The following HOXA5 variants were observed in gnomAD, a reference collection of about 807,000 sequenced individuals.
The protein encoded by HOXA5 is homeobox protein Hox-A5.
HOXA5 carries 12 observed loss-of-function variants against 20.0 expected under a neutral mutation model. The ratio of observed to expected loss-of-function variants is 0.60; its 90% CI spans 0.38 to 0.97. HOXA5 has a LOEUF of 0.97. Ranked by LOEUF, HOXA5 falls within the 50% of genes least tolerant of loss-of-function variation. HOXA5 has a pLI of 0.00. For synonymous variants in HOXA5, 159 were observed against 157.7 expected (o/e 1.01, Z -0.06); for missense variants, 352 against 380.3 (o/e 0.93, Z 0.62).
intron 1 of HOXA5, among the ~76,000 whole-genome samples, chr7:27,142,389 C>G (rs539286296): frequency 8.4e-4 from 128 of 152,306 alleles, no homozygotes; most frequent in Middle Eastern, 3.4e-3. Context: ...GAGGCACAGC[C>G]CTCCCAGGCT....
chr7:27,143,308 C>A lies in HOXA5; in HGVS notation c.300G>T (p.Pro100=), dbSNP rs1428198835. Residue 100 remains proline (P), a synonymous_variant, in exon 1 of 2, where the codon CCG becomes CCT. Transcript: ENST00000222726. Reference sequence around the variant, plus strand: ...AGGGGGCCACGGCGGAGCAGGGCAGCGGATCGGGCTGAGGAGAGTGCGTGG... The same window carrying A: ...AGGGGGCCACGGCGGAGCAGGGCAGAGGATCGGGCTGAGGAGAGTGCGTGG... The part of the protein sequence containing the change: ...ATSTHSPQPD[P]LPCSAVAPSP... The A allele has an allele frequency of 7.5e-6, 12 of 1,599,966 alleles. No homozygotes were observed. Among genetic ancestry groups the A allele is most frequent in the South Asian group, 1.1e-5 (1 of 90,352 alleles).
chr7:27,142,817 G>A, intron 1 of HOXA5: 1 of 490,014 alleles, frequency 2.0e-6, no homozygotes, highest in Non-Finnish European at 3.5e-6. Context: ...CCCTTCCAAC[G>A]TCTAAACTGT....
chr7:27,143,131 C>T lies in HOXA5; in HGVS notation c.477G>A (p.Gln159=), dbSNP rs773252225. Residue 159 remains glutamine, a synonymous_variant, in exon 1 of 2, where the codon CAG becomes CAA. Transcript: ENST00000222726. ...AEEDAPASSE[Q]ASAQSEPSPA... ...GGCTCGGCTCGCTCTGCGCACTCGC[C>T]TGCTCGCTGCTGGCAGGGGCGTCCT... 29 of 1,607,548 alleles carry T rather than the reference C, an allele frequency of 1.8e-5. No homozygotes were observed. The highest frequency in any genetic ancestry group is 2.5e-5 in the Non-Finnish European group (29 of 1,178,016).
In HOXA5 at chr7:27,143,648, GTTTGTGCGT is replaced by G; in HGVS notation, c.-50_-42del. The G allele has an allele frequency of 6.4e-7, 1 of 1,553,936 alleles. No homozygotes were observed. Among genetic ancestry groups the G allele is most frequent in the Non-Finnish European group, 8.7e-7 (1 of 1,148,568 alleles). On this transcript the variant is annotated 5_prime_UTR_variant, in exon 1 of 2. Transcript: ENST00000222726. ...TGTGCTTGATTTGTGGCTCGCGGTC[GTTTGTGCGT>G]CTATAGCACCCTTGCACAATTTATG...
chr7:27,141,606 A>ATT lies in HOXA5; in HGVS notation c.*227_*228dup, dbSNP rs139068122. 14 of 420,178 alleles carry ATT rather than the reference A, an allele frequency of 3.3e-5. No homozygotes were observed. The highest frequency in any genetic ancestry group is 5.0e-5 in the Non-Finnish European group (12 of 240,032). The allele number at this position is 420,178 out of a possible 1,614,324, so 26.0% of individuals were successfully genotyped here. A position where few individuals can be genotyped will look rare whatever the true frequency, so the allele number is the denominator to read the frequency against. On this transcript the variant is annotated 3_prime_UTR_variant, in exon 2 of 2. Coordinates refer to ENST00000222726, the MANE Select transcript of HOXA5 (RefSeq NM_019102.4). ...TTCATATAAATAAGTTAAAACATCT[A>ATT]TTTTTTTTCAAGACAAAGCCATTCA...
chr7:27,141,535 TC>T lies in HOXA5; in HGVS notation c.*299del, dbSNP rs1782568650. ...GGGGGACTTTTTGTGTGTTTTTTTT[TC>T]TCTTTTCTTTTTTTGTTATAGTTAC... On this transcript the variant is annotated 3_prime_UTR_variant, in exon 2 of 2. Coordinates refer to ENST00000222726, the MANE Select transcript of HOXA5 (RefSeq NM_019102.4). 5.0e-5 allele frequency: 13 copies of T among 259,822 alleles called. No homozygotes were observed. Among genetic ancestry groups the T allele is most frequent in the African/African-American group, 1.8e-4 (8 of 44,392 alleles). The allele number at this position is 259,822 out of a possible 1,614,324, so 16.1% of individuals were successfully genotyped here.
chr7:27,142,985 GA>G (rs1782626960), intron 1 of HOXA5, 60 bp downstream of exon 1: 1 of 1,413,654 alleles, frequency 7.1e-7, no homozygotes, highest in Non-Finnish European at 9.5e-7. Flanking sequence ...GCAGAGAAGA[GA>G]GGGGGGACCG....
Position 27,141,669 on chromosome 7 carries a change from A to C in HOXA5, c.*166T>G, listed in dbSNP as rs1782573390. 7 of 764,190 alleles carry C rather than the reference A, an allele frequency of 9.2e-6. No homozygotes were observed. Among genetic ancestry groups the C allele is most frequent in the Non-Finnish European group, 1.5e-5 (7 of 481,884 alleles). 47.3% of individuals were successfully genotyped at this position (764,190 alleles called of 1,614,324 possible). On this transcript the variant is annotated 3_prime_UTR_variant, in exon 2 of 2. Transcript: ENST00000222726. ...GAACAGAAAGCAGATCTACTTATAC[A>C]GGCGCTATAATGGCAATAAACAGGC...
rs781043040 is a variant in HOXA5, at chr7:27,143,563, A to T, written c.45T>A (p.Asn15Lys). Reference sequence around the variant, plus strand: ...AATTATGCAACTGGTAGTCCGGGCCATTTGGATAGCGACCGCAAAATGAGT... The same window carrying T: ...AATTATGCAACTGGTAGTCCGGGCCTTTTGGATAGCGACCGCAAAATGAGT... Reference protein sequence around the residue: ...FVNSFCGRYPNGPDYQLHNYG... With the variant: ...FVNSFCGRYPKGPDYQLHNYG... The change falls in exon 1 of 2, where the codon AAT (asparagine) becomes AAA (lysine). Residue 15 changes from asparagine (N) to lysine (K), a missense_variant. Coordinates refer to ENST00000222726, the MANE Select transcript of HOXA5 (RefSeq NM_019102.4). 140 of 1,605,216 alleles carry T rather than the reference A, an allele frequency of 8.7e-5. No individual in the cohort carries two copies. The highest frequency in any genetic ancestry group is 1.2e-4 in the Non-Finnish European group (138 of 1,175,686).
rs147485948 is a variant in HOXA5, at chr7:27,141,113, C to CAAAAAAAAAAAAAA, written c.*708_*721dup. ...AGTATTTTTTCCTTAAAAACAAATA[C>CAAAAAAAAAAAAAA]AAAAAAAAAAAAAAAAAAAAAAAAG... On this transcript the variant is annotated 3_prime_UTR_variant, in exon 2 of 2. Coordinates refer to ENST00000222726, the MANE Select transcript of HOXA5 (RefSeq NM_019102.4). The CAAAAAAAAAAAAAA allele has an allele frequency of 4.6e-4, 38 of 82,910 alleles. No individual in the cohort carries two copies. The highest frequency in any genetic ancestry group is 1.1e-3 in the African/African-American group (23 of 20,378). 5.1% of individuals were successfully genotyped at this position (82,910 alleles called of 1,614,324 possible). A position where few individuals can be genotyped will look rare whatever the true frequency, so the allele number is the denominator to read the frequency against.
rs761441746 is a variant in HOXA5 at position 27,143,481 on chromosome 7, C to G, written c.127G>C (p.Gly43Arg). 2 of 1,613,722 alleles carry G rather than the reference C, an allele frequency of 1.2e-6. No homozygotes were observed. Among genetic ancestry groups the G allele is most frequent in the East Asian group, 2.2e-5 (1 of 44,838 alleles). ...QFRDSASMHS[G>R]RYGYGYNGMD... is the part of the protein sequence containing the mutation. ...CCATTGTAGCCGTAGCCGTACCTGC[C>G]GGAGTGCATGCTCGCCGAGTCCCTG... The change falls in exon 1 of 2, where the codon GGC becomes CGC. Residue 43 changes from glycine (G) to arginine (R), a missense_variant. Physicochemically the swap from Gly to Arg is moderately radical, Grantham distance 125 (BLOSUM62 -2). This residue lies in a region of HOXA5 where 319 missense variants were observed against 336.5 expected (regional missense o/e 0.95). Transcript: ENST00000222726.
In HOXA5 at chr7:27,143,048, T is replaced by C. The variant is rs1385186284; in HGVS notation, c.560A>G (p.His187Arg). 62 of 1,509,348 alleles carry C rather than the reference T, an allele frequency of 4.1e-5. No homozygotes were observed. Among genetic ancestry groups the C allele is most frequent in the Non-Finnish European group, 5.4e-5 (61 of 1,133,710 alleles). The allele number at this position is 1,509,348 out of a possible 1,614,324, so 93.5% of individuals were successfully genotyped here. ...ATTTAGAAAAAGGCTGGCTTTACCATGACTTATGTGCAGCTTGCGCATCCA... is the reference window on the plus strand; with the variant it reads ...ATTTAGAAAAAGGCTGGCTTTACCACGACTTATGTGCAGCTTGCGCATCCA... ...YPWMRKLHIS[H>R]DNIGGPEGKR... The change falls in exon 1 of 2, where the codon CAT becomes CGT. Residue 187 changes from histidine (H) to arginine (R), a missense_variant and splice_region_variant. This residue lies in a region of HOXA5 where 319 missense variants were observed against 336.5 expected (regional missense o/e 0.95). Transcript: ENST00000222726.
rs762636656 is a variant in HOXA5 at position 27,142,079 on chromosome 7, A to G, written c.569T>C (p.Ile190Thr). 3.7e-6 allele frequency: 6 copies of G among 1,612,986 alleles called. No individual in the cohort carries two copies. Among genetic ancestry groups the G allele is most frequent in the South Asian group, 3.3e-5 (3 of 91,072 alleles). ...MRKLHISHDN[I>T]GGPEGKRART... ...GGCCCTTTTGCCTTCCGGGCCGCCT[A>G]TGTTGTCTGCAATAGAAAAGTCAGC... Residue 190 changes from isoleucine to threonine, a missense_variant, in exon 2 of 2, where the codon ATA becomes ACA. By Grantham distance (89) the Ile-to-Thr change is moderately conservative. This residue lies in a region of HOXA5 where 319 missense variants were observed against 336.5 expected (regional missense o/e 0.95). Coordinates refer to ENST00000222726, the MANE Select transcript of HOXA5 (RefSeq NM_019102.4).
rs567073066 is a variant in HOXA5, at chr7:27,141,859, C to T, written c.789G>A (p.Ala263=). 6.2e-7 allele frequency: 1 copy of T among 1,614,046 alleles called. No individual in the cohort carries two copies. The highest frequency in any genetic ancestry group is 1.3e-5 in the African/African-American group (1 of 74,942). Residue 263 remains alanine (A), a synonymous_variant, in exon 2 of 2, where the codon GCG becomes GCA. Coordinates refer to ENST00000222726, the MANE Select transcript of HOXA5 (RefSeq NM_019102.4). ...DNKLKSMSMA[A]AGGAFRP ...CTCAGGGACGGAAGGCCCCTCCTGC[C>T]GCGGCCATGCTCATGCTTTTCAGCT... is the stretch of plus-strand genomic sequence containing the variant.
Position 27,142,021 on chromosome 7 carries a change from C to G in HOXA5, c.627G>C (p.Glu209Asp). ...RTAYTRYQTL[E>D]LEKEFHFNRY... ...GGTTGAAGTGGAACTCCTTCTCCAG[C>G]TCCAGGGTCTGGTAGCGCGTGTAGG... Residue 209 changes from glutamate (E) to aspartate (D), a missense_variant, in exon 2 of 2, where the codon GAG (glutamate) becomes GAC (aspartate). By Grantham distance (45) the Glu-to-Asp change is conservative. This residue lies in a region of HOXA5 where 319 missense variants were observed against 336.5 expected (regional missense o/e 0.95). Coordinates refer to ENST00000222726, the MANE Select transcript of HOXA5 (RefSeq NM_019102.4). 1 of 1,614,226 alleles carries G rather than the reference C, an allele frequency of 6.2e-7. No individual in the cohort carries two copies. The highest frequency in any genetic ancestry group is 8.5e-7 in the Non-Finnish European group (1 of 1,180,042).
intron 1 of HOXA5, 58 bp downstream of exon 1, chr7:27,142,988 G>A: frequency 3.5e-6 from 5 of 1,414,454 alleles, no homozygotes; most frequent in Non-Finnish European, 4.8e-6. Context: ...GAGAAGAGAG[G>A]GGGGACCGAG....
intron 1 of HOXA5, chr7:27,142,612 C>T (rs1423414576): frequency 1.6e-5 from 3 of 193,434 alleles, no homozygotes; most frequent in African/African-American, 2.3e-5. Flanking sequence ...GATTCTTTCC[C>T]CCAAGCCCCT....
Position 27,142,079 on chromosome 7 carries a change from A to C in HOXA5, c.569T>G (p.Ile190Arg), listed in dbSNP as rs762636656. 3 of 1,613,104 alleles carry C rather than the reference A, an allele frequency of 1.9e-6. No individual in the cohort carries two copies. The South Asian group carries it at 3.3e-5, about 18-fold the overall frequency. ...GGCCCTTTTGCCTTCCGGGCCGCCTATGTTGTCTGCAATAGAAAAGTCAGC... is the reference window on the plus strand; with the variant it reads ...GGCCCTTTTGCCTTCCGGGCCGCCTCTGTTGTCTGCAATAGAAAAGTCAGC... Reference protein sequence around the residue: ...MRKLHISHDNIGGPEGKRART... With the variant: ...MRKLHISHDNRGGPEGKRART... Residue 190 changes from isoleucine (I) to arginine (R), a missense_variant, in exon 2 of 2, where the codon ATA (isoleucine) becomes AGA (arginine). Physicochemically the swap from Ile to Arg is moderately conservative, Grantham distance 97 (BLOSUM62 -3). Coordinates refer to ENST00000222726, the MANE Select transcript of HOXA5 (RefSeq NM_019102.4).
rs377343707 is a variant in HOXA5, at chr7:27,143,111, G to A, written c.497C>T (p.Pro166Leu). 2 of 1,585,380 alleles carry A rather than the reference G, an allele frequency of 1.3e-6. No individual in the cohort carries two copies. Among genetic ancestry groups the A allele is most frequent in the African/African-American group, 2.8e-5 (2 of 72,220 alleles). Residue 166 changes from proline (P) to leucine (L), a missense_variant, in exon 1 of 2, where the codon CCG becomes CTG. Pro to Leu is a moderately conservative substitution (Grantham distance 98). Coordinates refer to ENST00000222726, the MANE Select transcript of HOXA5 (RefSeq NM_019102.4). ...GGGTTGGGCGGGCGGCGCCGGGCTC[G>A]GCTCGCTCTGCGCACTCGCCTGCTC... Reference protein sequence around the residue: ...SSEQASAQSEPSPAPPAQPQI... With the variant: ...SSEQASAQSELSPAPPAQPQI...
Sources: gnomAD v4.1 joint callset for allele counts (sites outside exome capture counted in the v4.1 genomes callset) on GRCh38, gnomAD v4.1.1 for gene constraint, gnomAD v4.1.1 regional missense constraint, MANE v1.5 for transcripts, NCBI Gene and HGNC (gene_info 2026-07-23, HGNC 2026-07-21) for gene names.